DENND1A: variants seen among roughly 807,000 people sequenced by gnomAD.
DENND1A encodes DENN domain containing 1A, also known as DENN domain-containing protein 1A.
Under a neutral mutation model 113.7 loss-of-function variants are expected in DENND1A, and 51 were observed. The ratio of observed to expected loss-of-function variants is 0.45; its 90% CI spans 0.36 to 0.57. The LOEUF is 0.57. Ranked by LOEUF, DENND1A falls within the 20% of genes least tolerant of loss-of-function variation. The pLI, the probability that DENND1A is intolerant of heterozygous loss-of-function variation, is 0.00. For missense variants in DENND1A, 1,258 were observed against 1,395.9 expected, an observed-to-expected ratio of 0.90 and a Z score of 1.57; for synonymous variants, 565 against 570.8, an observed-to-expected ratio of 0.99 and a Z score of 0.14.
chr9:123,916,731 G>C (rs899452151), intron 1 of DENND1A, among the ~76,000 whole-genome samples: 2 of 152,118 alleles, frequency 1.3e-5, no homozygotes, highest in Non-Finnish European at 2.9e-5. Flanking sequence ...CGGTACCTAT[G>C]TCAGGGAAGG....
chr9:123,478,693 G>A (rs1429147663), intron 13 of DENND1A, among the ~76,000 whole-genome samples: 1 of 152,250 alleles, frequency 6.6e-6, no homozygotes. Flanking sequence ...GATAAAGGAA[G>A]TCTAGTAAAA....
chr9:123,779,075 T>A (rs1257284963), intron 3 of DENND1A, among the ~76,000 whole-genome samples: 1 of 152,260 alleles, frequency 6.6e-6, no homozygotes, highest in African/African-American at 2.4e-5. Context: ...AGTTCATTTC[T>A]ATAGGTAAGG....
intron 5 of DENND1A, among the ~76,000 whole-genome samples, chr9:123,699,550 G>A (rs1316529225): frequency 6.6e-6 from 1 of 151,960 alleles, no homozygotes; most frequent in South Asian, 2.1e-4. Context: ...GCCCATCTCT[G>A]AAATAATAAG....
chr9:123,680,212 G>A (rs1360251836), intron 5 of DENND1A, among the ~76,000 whole-genome samples: 1 of 152,220 alleles, frequency 6.6e-6, no homozygotes, highest in Non-Finnish European at 1.5e-5. Flanking sequence ...CACCTGCCTG[G>A]ATCCAGGCTT....
chr9:123,605,607 GGA>G, intron 11 of DENND1A, among the ~76,000 whole-genome samples: 1 of 152,206 alleles, frequency 6.6e-6, no homozygotes, highest in East Asian at 1.9e-4. Flanking sequence ...ACAGGCAGAA[GGA>G]GAGAGAAGAA....
intron 5 of DENND1A, among the ~76,000 whole-genome samples, chr9:123,730,423 AC>A: frequency 6.6e-6 from 1 of 152,104 alleles, no homozygotes; most frequent in East Asian, 1.9e-4. Context: ...AAAACAAACA[AC>A]CCCATCAAAA....
chr9:123,413,313 T>C (rs1166477077), intron 19 of DENND1A: 3 of 610,078 alleles, frequency 4.9e-6, no homozygotes, highest in Non-Finnish European at 6.2e-6. Flanking sequence ...ATTTTGGATA[T>C]ATTGGGTTCA....
chr9:123,421,151 AG>A (rs1180222201), intron 19 of DENND1A, among the ~76,000 whole-genome samples: 1 of 149,504 alleles, frequency 6.7e-6, no homozygotes, highest in Non-Finnish European at 1.5e-5. Flanking sequence ...AGGGGCTTCC[AG>A]ATGTTGGGGG....
At position 123,583,277 on chromosome 9, in the gene DENND1A, G is replaced by A. The variant is rs2136766437; in HGVS notation, c.766-7C>T. 1.9e-6 allele frequency: 3 copies of A among 1,606,526 alleles called. No individual in the cohort carries two copies. In the South Asian group the frequency reaches 3.3e-5, roughly 18 times the overall value. On this transcript the variant is annotated splice_region_variant and splice_polypyrimidine_tract_variant and intron_variant, in intron 11 of 23. Coordinates refer to ENST00000394215, the MANE Select transcript of DENND1A (RefSeq NM_001352964.2). Reference sequence around the variant, plus strand: ...GGGCCATGTTTCTGACTTTCTGCAAGGAGAAAAAAATCCACAAGAGAAGGT... The same window carrying A: ...GGGCCATGTTTCTGACTTTCTGCAAAGAGAAAAAAATCCACAAGAGAAGGT...
At chr9:123,535,156 G>A (rs966554668) in intron 13 of DENND1A, among the ~76,000 whole-genome samples, 1 of 152,032 alleles carries the variant, frequency 6.6e-6, no homozygotes, top group Non-Finnish European at 1.5e-5. Context: ...ATTACCTGAC[G>A]TTCACTCTGT....
chr9:123,677,486 T>C (rs2064155961), intron 5 of DENND1A, among the ~76,000 whole-genome samples: 1 of 152,158 alleles, frequency 6.6e-6, no homozygotes, highest in Admixed American at 6.5e-5. Context: ...CAGGCCGGAG[T>C]GCAGTGGCAT....
intron 13 of DENND1A, among the ~76,000 whole-genome samples, chr9:123,540,596 A>G (rs1048282151): frequency 1.3e-5 from 2 of 152,244 alleles, no homozygotes; most frequent in African/African-American, 4.8e-5. Flanking sequence ...GCAGTCACAG[A>G]GACCCTCCTT....
At chr9:123,705,219 A>T (rs1309252924) in intron 5 of DENND1A, among the ~76,000 whole-genome samples, 3 of 152,206 alleles carry the variant, frequency 2.0e-5, no homozygotes, top group Non-Finnish European at 4.4e-5. Context: ...TTAATCTAAG[A>T]CAGAATATCT....
chr9:123,467,407 G>A lies in DENND1A; in HGVS notation c.994-9510C>T, dbSNP rs551246354. ...GTGGTGGCTCACGCCTGTAATCCCA[G>A]CACTTTGGGAGGCTGAGGTGGGTGG... is the stretch of plus-strand genomic sequence containing the variant. On this transcript the variant is annotated intron_variant, in intron 13 of 23. Coordinates refer to ENST00000394215, the MANE Select transcript of DENND1A (RefSeq NM_001352964.2). Among the ~76,000 whole-genome samples the A allele has an allele frequency of 2.4e-4, 36 of 152,256 alleles. 1 individual carries two copies. In the South Asian group the frequency reaches 6.9e-3, roughly 29 times the overall value.
chr9:123,909,149 G>A (rs557228539), intron 1 of DENND1A, among the ~76,000 whole-genome samples: 1 of 152,038 alleles, frequency 6.6e-6, no homozygotes, highest in East Asian at 1.9e-4. Context: ...AATGAACAAT[G>A]AGATCACATG....
intron 13 of DENND1A, among the ~76,000 whole-genome samples, chr9:123,533,335 T>C (rs868539021): frequency 2.0e-5 from 3 of 152,196 alleles, no homozygotes; most frequent in Non-Finnish European, 4.4e-5. Context: ...TGATTAAAAA[T>C]AAAAAGGCAC....
chr9:123,738,443 C>CTGTGTGTGTGTGTGTGTG (rs59851560), intron 5 of DENND1A, among the ~76,000 whole-genome samples: 6 of 143,328 alleles, frequency 4.2e-5, no homozygotes, highest in African/African-American at 1.3e-4. Context: ...TCAACAGCTT[C>CTGTGTGTGTGTGTGTGTG]TGTGTGTGTG....
intron 5 of DENND1A, among the ~76,000 whole-genome samples, chr9:123,730,649 C>A (rs187689085): frequency 6.6e-6 from 1 of 152,286 alleles, no homozygotes; most frequent in Admixed American, 6.5e-5. Context: ...CGCTTTTACT[C>A]TGTTGGTGGG....
chr9:123,483,921 T>C (rs902876063), intron 13 of DENND1A, among the ~76,000 whole-genome samples: 1 of 152,232 alleles, frequency 6.6e-6, no homozygotes, highest in Non-Finnish European at 1.5e-5. Context: ...GTTTTTTTTG[T>C]GTTTTTTTAA....
Sources: allele counts gnomAD v4.1 joint callset (sites outside exome capture counted in the v4.1 genomes callset), GRCh38; gene constraint gnomAD v4.1.1; transcripts MANE v1.5; gene names NCBI Gene and HGNC (gene_info 2026-07-23, HGNC 2026-07-21).